The following FAM20A variants were observed in gnomAD, a reference collection of about 807,000 sequenced individuals.
The protein encoded by FAM20A is pseudokinase FAM20A.
Under a neutral mutation model 52.0 loss-of-function variants are expected in FAM20A, and 42 were observed. The ratio of observed to expected loss-of-function variants is 0.81; its 90% CI spans 0.63 to 1.04. The LOEUF is 1.04. Ranked by LOEUF, FAM20A falls within the 50% of genes least tolerant of loss-of-function variation. The pLI, the probability that FAM20A is intolerant of heterozygous loss-of-function variation, is 0.00. For synonymous variants in FAM20A, 304 were observed against 298.9 expected (o/e 1.02, Z -0.18); for missense variants, 742 against 712.7 (o/e 1.04, Z -0.47).
chr17:68,555,569 G>A lies in FAM20A; in HGVS notation c.579C>T (p.Thr193=). 6.2e-7 allele frequency: 1 copy of A among 1,612,806 alleles called. No individual in the cohort carries two copies. Residue 193 remains threonine, a synonymous_variant, in exon 2 of 11, where the codon ACC becomes ACT. Coordinates refer to ENST00000592554, the MANE Select transcript of FAM20A (RefSeq NM_017565.4). The stretch of plus-strand genomic sequence containing the variant: ...TCCCATGAACCTTACCAGCACTGAT[G>A]GTGGGAAAGTGCCTCATGTCTTGCA... ...KLLQDMRHFP[T]ISADYSQDEK... is the part of the protein sequence containing the mutation.
At chr17:68,579,125 A>G (rs749433035) in intron 1 of FAM20A, among the ~76,000 whole-genome samples, 14 of 152,122 alleles carry the variant, frequency 9.2e-5, no homozygotes, top group Non-Finnish European at 1.9e-4. Flanking sequence ...GGAAGCATGA[A>G]GAGACTCCAA....
intron 4 of FAM20A, among the ~76,000 whole-genome samples, chr17:68,549,403 A>G (rs1267421175): frequency 1.3e-5 from 2 of 151,978 alleles, no homozygotes; most frequent in African/African-American, 4.8e-5. Context: ...CTGAGGCAGG[A>G]TAATTGCTTG....
intron 1 of FAM20A, among the ~76,000 whole-genome samples, chr17:68,561,757 G>C (rs1334871032): frequency 6.6e-6 from 1 of 152,026 alleles, no homozygotes; most frequent in Non-Finnish European, 1.5e-5. Context: ...TTATTGATGA[G>C]CGTGTAGTTG....
chr17:68,569,735 T>A (rs1475252532), intron 1 of FAM20A, among the ~76,000 whole-genome samples: 1 of 152,222 alleles, frequency 6.6e-6, no homozygotes, highest in Non-Finnish European at 1.5e-5. Flanking sequence ...CATGTTCTTC[T>A]ATCCCAGCTA....
chr17:68,562,318 G>T (rs1301826785), intron 1 of FAM20A, among the ~76,000 whole-genome samples: 7 of 152,212 alleles, frequency 4.6e-5, no homozygotes, highest in African/African-American at 2.4e-5. Flanking sequence ...ATCTCTATAT[G>T]TAGTGACGTA....
chr17:68,539,996 C>A (rs1213346409), intron 8 of FAM20A, 30 bp from the exon 9 acceptor site: 1 of 1,601,672 alleles, frequency 6.2e-7, no homozygotes, highest in Non-Finnish European at 8.6e-7. Context: ...TTAGCTGGAA[C>A]CAGCAGGCCA....
rs1428428164 is a variant in FAM20A, at chr17:68,554,029, TAC to T, written c.640+746_640+747del. 1.3e-4 allele frequency among the ~76,000 whole-genome samples: 12 copies of T among 89,542 alleles called. No homozygotes were observed. The South Asian group carries it at 3.1e-3, about 23-fold the overall frequency. The allele number at this position is 89,542 out of a possible 152,430, so 58.7% of individuals were successfully genotyped here. A position where few individuals can be genotyped will look rare whatever the true frequency, so the allele number is the denominator to read the frequency against. On this transcript the variant is annotated intron_variant, in intron 3 of 10. Coordinates refer to ENST00000592554, the MANE Select transcript of FAM20A (RefSeq NM_017565.4). Reference sequence around the variant, plus strand: ...ATGCATATATACATATATACATATATACACACATGCATATATACACATATACA... The same window carrying T: ...ATGCATATATACATATATACATATATACACATGCATATATACACATATACA...
chr17:68,571,987 CATATATATATATATATATATATAT>C (rs57442973), intron 1 of FAM20A, among the ~76,000 whole-genome samples: 816 of 43,776 alleles, frequency 0.019, 27 homozygotes, highest in African/African-American at 0.039. Context: ...TATATACATA[CATATATATATATATATATATATAT>C]ATATATATAT....
intron 1 of FAM20A, among the ~76,000 whole-genome samples, chr17:68,561,521 C>G (rs2087211425): frequency 6.6e-6 from 1 of 151,122 alleles, no homozygotes; most frequent in African/African-American, 2.4e-5. Context: ...TATTCCAAGG[C>G]AATGCTGTTG....
intron 1 of FAM20A, among the ~76,000 whole-genome samples, chr17:68,565,224 A>T (rs2087342700): frequency 6.6e-6 from 1 of 152,052 alleles, no homozygotes; most frequent in East Asian, 1.9e-4. Flanking sequence ...GAAGTGGGGC[A>T]GTATCAGAAG....
At position 68,553,141 on chromosome 17, in the gene FAM20A, G is replaced by A. The variant is rs898638607; in HGVS notation, c.641-1190C>T. On this transcript the variant is annotated intron_variant, in intron 3 of 10. Transcript: ENST00000592554. ...ATCATGGGGCAGCTTCCCCTGTGCC[G>A]TTCTTGTGATAGTGAGTTCTCACGA... Among the ~76,000 whole-genome samples, 10 of 152,178 alleles carry A rather than the reference G, an allele frequency of 6.6e-5. No individual in the cohort carries two copies. In the East Asian group the frequency reaches 1.4e-3, roughly 21 times the overall value.
intron 3 of FAM20A, among the ~76,000 whole-genome samples, chr17:68,554,095 CACAT>C (rs923024754): frequency 1.4e-4 from 20 of 147,386 alleles, no homozygotes; most frequent in African/African-American, 4.6e-4. Flanking sequence ...CATATATACA[CACAT>C]ATATATACAC....
chr17:68,582,004 G>C (rs2088018794), intron 1 of FAM20A, among the ~76,000 whole-genome samples: 1 of 152,164 alleles, frequency 6.6e-6, no homozygotes, highest in South Asian at 2.1e-4. Context: ...GGTCAGCACT[G>C]TGCTTAACAT....
intron 1 of FAM20A, among the ~76,000 whole-genome samples, chr17:68,572,675 A>T (rs186092602): frequency 6.6e-6 from 1 of 152,240 alleles, no homozygotes; most frequent in African/African-American, 2.4e-5. Context: ...CTGACTCATC[A>T]TCAGAATTCT....
At position 68,537,012 on chromosome 17, in the gene FAM20A, G is replaced by A. The variant is rs767272967; in HGVS notation, c.*465C>T. On this transcript the variant is annotated 3_prime_UTR_variant, in exon 11 of 11. Transcript: ENST00000592554. The surrounding 1 kb of genome is among the most constrained non-coding windows in gnomAD (Gnocchi z 4.2). The stretch of plus-strand genomic sequence containing the variant: ...ACCTGTCAGAGTTACTGTTGCCTGC[G>A]CTGGCCCAAAGTGCAGATTTTTAGT... 1.0e-4 allele frequency: 46 copies of A among 455,108 alleles called. No individual in the cohort carries two copies. The highest frequency in any genetic ancestry group is 8.4e-4 in the African/African-American group (42 of 50,168). The allele number at this position is 455,108 out of a possible 1,614,324, so 28.2% of individuals were successfully genotyped here.
At chr17:68,558,344 T>G (rs1267708627) in intron 1 of FAM20A, 1 of 445,846 alleles carries the variant, frequency 2.2e-6, no homozygotes, top group Non-Finnish European at 4.5e-6. Flanking sequence ...AGATATGGTT[T>G]GGATGTTTGT....
chr17:68,539,969 G>T lies in FAM20A; in HGVS notation c.1220-3C>A. On this transcript the variant is annotated splice_region_variant and splice_polypyrimidine_tract_variant and intron_variant, in intron 8 of 10. Transcript: ENST00000592554. The stretch of plus-strand genomic sequence containing the variant: ...ATAATGGTGCCGGTCCATATTCCCT[G>T]TGAAGGAGGGGAGGACTTAGCTGGA... The T allele has an allele frequency of 1.9e-6, 3 of 1,614,028 alleles. 1 individual carries two copies. In the South Asian group the frequency reaches 3.3e-5, roughly 18 times the overall value.
chr17:68,572,731 TA>T (rs1167233549), intron 1 of FAM20A, among the ~76,000 whole-genome samples: 1 of 152,218 alleles, frequency 6.6e-6, no homozygotes, highest in Non-Finnish European at 1.5e-5. Context: ...GTTTTCTTTT[TA>T]ATTTTATTTA....
chr17:68,538,026 A>G (rs2086145798), intron 10 of FAM20A, among the ~76,000 whole-genome samples: 1 of 152,338 alleles, frequency 6.6e-6, no homozygotes, highest in African/African-American at 2.4e-5. Flanking sequence ...TGACAACGCT[A>G]AGGGAATCAA....
Sources: allele counts gnomAD v4.1 joint callset (sites outside exome capture counted in the v4.1 genomes callset), GRCh38; gene constraint gnomAD v4.1.1; non-coding constraint Gnocchi (gnomAD v3.1); transcripts MANE v1.5; gene names NCBI Gene and HGNC (gene_info 2026-07-23, HGNC 2026-07-21).